The following PTPRD variants were observed in gnomAD, a reference collection of about 807,000 sequenced individuals.
PTPRD encodes receptor-type tyrosine-protein phosphatase delta.
In PTPRD, 34 loss-of-function variants were observed where a neutral mutation model predicts 214.5. That is an observed-to-expected ratio of 0.16 (90% confidence interval 0.12 to 0.21). The LOEUF is 0.21. PTPRD is among the 10% of genes least tolerant of loss of function. PTPRD has a pLI of 1.00. For missense variants in PTPRD, 2,545 were observed against 2,398.7 expected (o/e 1.06, Z -1.27); for synonymous variants, 1,128 against 845.7 (o/e 1.33, Z -5.79).
intron 3 of PTPRD, among the ~76,000 whole-genome samples, chr9:10,211,414 G>C (rs936697797): frequency 6.6e-6 from 1 of 152,046 alleles, no homozygotes; most frequent in Non-Finnish European, 1.5e-5. Flanking sequence ...TATTTAGATG[G>C]TCACCTTGCA....
At chr9:10,336,653 T>G (rs945273718) in intron 3 of PTPRD, among the ~76,000 whole-genome samples, 1 of 151,382 alleles carries the variant, frequency 6.6e-6, no homozygotes, top group South Asian at 2.1e-4. Context: ...CTGTCCTAGA[T>G]GGTTGGAAGG....
chr9:10,605,299 T>G (rs1024458213), intron 2 of PTPRD, among the ~76,000 whole-genome samples: 1 of 151,934 alleles, frequency 6.6e-6, no homozygotes, highest in Non-Finnish European at 1.5e-5. Context: ...GAGTCTTGAC[T>G]GTAACTGCTA....
At chr9:9,374,027 A>G (rs2060179333) in intron 9 of PTPRD, among the ~76,000 whole-genome samples, 2 of 152,200 alleles carry the variant, frequency 1.3e-5, no homozygotes, top group South Asian at 4.2e-4. Flanking sequence ...ATTTATTACA[A>G]TTAACACATC....
intron 2 of PTPRD, among the ~76,000 whole-genome samples, chr9:10,415,736 T>G (rs958389584): frequency 7.9e-5 from 12 of 151,838 alleles, no homozygotes; most frequent in African/African-American, 2.9e-4. Flanking sequence ...TTCCCCCAAT[T>G]CTTTGTTGTG....
At chr9:9,530,808 C>T (rs558249042) in intron 8 of PTPRD, among the ~76,000 whole-genome samples, 1 of 152,062 alleles carries the variant, frequency 6.6e-6, no homozygotes, top group Non-Finnish European at 1.5e-5. Context: ...CATATTTTCA[C>T]TCATATGTCA....
chr9:8,557,742 C>T (rs1333068158), intron 14 of PTPRD, among the ~76,000 whole-genome samples: 1 of 68,848 alleles, frequency 1.5e-5, no homozygotes, highest in East Asian at 4.0e-4. Context: ...GACTGTCTCT[C>T]AATAAAAAAA....
intron 14 of PTPRD, among the ~76,000 whole-genome samples, chr9:8,578,294 G>A (rs2092683848): frequency 6.6e-6 from 1 of 152,086 alleles, no homozygotes; most frequent in African/African-American, 2.4e-5. Context: ...TAAGAGTCAA[G>A]GGCCATTTAC....
chr9:10,536,060 T>C (rs1472717168), intron 2 of PTPRD, among the ~76,000 whole-genome samples: 1 of 152,124 alleles, frequency 6.6e-6, no homozygotes. Context: ...GCGGAATCAC[T>C]TGTGAGTGAG....
chr9:9,510,487 T>A (rs957401466), intron 8 of PTPRD, among the ~76,000 whole-genome samples: 1 of 151,646 alleles, frequency 6.6e-6, no homozygotes, highest in African/African-American at 2.4e-5. Flanking sequence ...GTTAGTTGCT[T>A]TAATACTTGA....
chr9:10,553,599 G>A (rs1489588993), intron 2 of PTPRD, among the ~76,000 whole-genome samples: 2 of 151,950 alleles, frequency 1.3e-5, no homozygotes, highest in African/African-American at 2.4e-5. Context: ...ATGCAACTGA[G>A]TTTCATCTGG....
chr9:10,445,437 T>C (rs921201049), intron 2 of PTPRD, among the ~76,000 whole-genome samples: 1 of 152,076 alleles, frequency 6.6e-6, no homozygotes, highest in African/African-American at 2.4e-5. Context: ...AGGTCTACAC[T>C]ACTGCTATGG....
At chr9:9,318,545 T>C (rs900811122) in intron 9 of PTPRD, among the ~76,000 whole-genome samples, 2 of 152,212 alleles carry the variant, frequency 1.3e-5, no homozygotes, top group Non-Finnish European at 2.9e-5. Flanking sequence ...AGCATCCAAA[T>C]ACTTTAGATC....
At chr9:9,824,068 A>G (rs1473935828) in intron 5 of PTPRD, among the ~76,000 whole-genome samples, 1 of 152,056 alleles carries the variant, frequency 6.6e-6, no homozygotes, top group Non-Finnish European at 1.5e-5. Context: ...CAAAATTATT[A>G]AAAATATTAT....
chr9:9,329,702 C>G (rs1300897999), intron 9 of PTPRD, among the ~76,000 whole-genome samples: 1 of 152,158 alleles, frequency 6.6e-6, no homozygotes, highest in East Asian at 1.9e-4. Context: ...ACTAGATGAA[C>G]ATCCAGTTTA....
rs1435398813 is a variant in PTPRD at position 9,439,897 on chromosome 9, T to A, written c.-236-42415A>T. Among the ~76,000 whole-genome samples the A allele has an allele frequency of 5.9e-5, 9 of 152,334 alleles. No homozygotes were observed. The East Asian group carries it at 1.7e-3, about 29-fold the overall frequency. ...TAGTGAGTAAATAATTTTTCCAGTG[T>A]CTTGCAGCTGGGAAGTGGCAGAGCA... On this transcript the variant is annotated intron_variant, in intron 8 of 45. Coordinates refer to ENST00000381196, the MANE Select transcript of PTPRD (RefSeq NM_002839.4).
At chr9:8,334,126 T>C (rs1844283039) in intron 43 of PTPRD, among the ~76,000 whole-genome samples, 1 of 152,080 alleles carries the variant, frequency 6.6e-6, no homozygotes, top group African/African-American at 2.4e-5. Flanking sequence ...ATTAGATCAA[T>C]GACACAGAAT....
At chr9:9,920,813 G>A (rs2082334613) in intron 5 of PTPRD, among the ~76,000 whole-genome samples, 1 of 152,094 alleles carries the variant, frequency 6.6e-6, no homozygotes, top group Admixed American at 6.6e-5. Flanking sequence ...TAAAAACTGA[G>A]TAGAGAAGTG....
chr9:8,580,612 T>C (rs2092971244), intron 14 of PTPRD, among the ~76,000 whole-genome samples: 1 of 152,322 alleles, frequency 6.6e-6, no homozygotes, highest in East Asian at 1.9e-4. Context: ...CTTGAGGTGT[T>C]GTATTCCTTA....
intron 8 of PTPRD, among the ~76,000 whole-genome samples, chr9:9,564,613 C>A (rs1431230682): frequency 6.6e-6 from 1 of 151,920 alleles, no homozygotes; most frequent in African/African-American, 2.4e-5. Context: ...TTCAAACTTA[C>A]TGAACCAAAA....
Sources: allele counts gnomAD v4.1 joint callset (sites outside exome capture counted in the v4.1 genomes callset), GRCh38; gene constraint gnomAD v4.1.1; transcripts MANE v1.5; gene names NCBI Gene and HGNC (gene_info 2026-07-23, HGNC 2026-07-21).